Variants in MYLK4 observed in about 807,000 individuals in gnomAD.
MYLK4 encodes myosin light chain kinase family member 4.
A neutral mutation model predicts 48.1 loss-of-function variants in MYLK4; 46 were observed. That is an observed-to-expected ratio of 0.96 (90% CI 0.75 to 1.22). MYLK4 has a LOEUF of 1.22. Ranked by LOEUF, MYLK4 falls within the 50% of genes most tolerant of loss-of-function variation. The pLI is 0.00. For missense variants in MYLK4, 451 were observed against 486.1 expected, an observed-to-expected ratio of 0.93 and a Z score of 0.68; for synonymous variants, 170 against 180.8, an observed-to-expected ratio of 0.94 and a Z score of 0.48.
chr6:2,671,435 T>C, intron 11 of MYLK4, 87 bp from the exon 12 acceptor site: 1 of 1,262,414 alleles, frequency 7.9e-7, no homozygotes, highest in Non-Finnish European at 1.1e-6. Flanking sequence ...GACAATCACT[T>C]GCTACTGAGG....
At chr6:2,667,973 C>G (rs1391871178) in intron 12 of MYLK4, 74 bp from the exon 13 acceptor site, 3 of 152,280 alleles carry the variant, frequency 2.0e-5, no homozygotes, top group Non-Finnish European at 4.4e-5. Flanking sequence ...GGTTGTGCCC[C>G]TTAGGAAAAC....
chr6:2,704,340 C>T (rs1373836878), intron 2 of MYLK4, among the ~76,000 whole-genome samples: 1 of 152,202 alleles, frequency 6.6e-6, no homozygotes, highest in African/African-American at 2.4e-5. Flanking sequence ...CACGTCCATG[C>T]AGCGCAATCT....
At chr6:2,744,516 T>C (rs1022200308) in intron 2 of MYLK4, among the ~76,000 whole-genome samples, 4 of 152,326 alleles carry the variant, frequency 2.6e-5, no homozygotes, top group Non-Finnish European at 4.4e-5. Flanking sequence ...ATCTAAGTTA[T>C]AGTCATTACG....
chr6:2,716,212 A>AT, intron 2 of MYLK4, among the ~76,000 whole-genome samples: 1 of 152,306 alleles, frequency 6.6e-6, no homozygotes, highest in African/African-American at 2.4e-5. Context: ...CAGGACAACT[A>AT]TTTTTATGGA....
At chr6:2,706,300 G>C (rs1420710238) in intron 2 of MYLK4, among the ~76,000 whole-genome samples, 1 of 151,822 alleles carries the variant, frequency 6.6e-6, no homozygotes, top group Non-Finnish European at 1.5e-5. Flanking sequence ...TTTATGTTTT[G>C]GTATCAGGTC....
intron 2 of MYLK4, among the ~76,000 whole-genome samples, chr6:2,711,152 C>G (rs1265746666): frequency 6.6e-6 from 1 of 152,192 alleles, no homozygotes; most frequent in Admixed American, 6.5e-5. Flanking sequence ...AACTGCTGCT[C>G]AGGTTCATAT....
chr6:2,716,680 C>G (rs1414583673), intron 2 of MYLK4, among the ~76,000 whole-genome samples: 2 of 152,168 alleles, frequency 1.3e-5, no homozygotes, highest in Non-Finnish European at 2.9e-5. Context: ...CATGTGTGTA[C>G]TGTAATTGGT....
At chr6:2,717,054 A>G (rs1237331554) in intron 2 of MYLK4, among the ~76,000 whole-genome samples, 1 of 152,166 alleles carries the variant, frequency 6.6e-6, no homozygotes, top group Non-Finnish European at 1.5e-5. Context: ...GGGAAAGGGC[A>G]TTCCAAGAGA....
intron 2 of MYLK4, among the ~76,000 whole-genome samples, chr6:2,724,295 T>C (rs1259467109): frequency 1.3e-5 from 2 of 152,178 alleles, no homozygotes; most frequent in African/African-American, 2.4e-5. Flanking sequence ...CAAAAACCCA[T>C]GTCTCCCAGT....
At chr6:2,736,413 C>T (rs991977890) in intron 2 of MYLK4, among the ~76,000 whole-genome samples, 3 of 152,224 alleles carry the variant, frequency 2.0e-5, no homozygotes, top group African/African-American at 7.2e-5. Flanking sequence ...TGCCACCACA[C>T]CCAGCTAATT....
chr6:2,726,059 G>C (rs1763261445), intron 2 of MYLK4, among the ~76,000 whole-genome samples: 1 of 152,210 alleles, frequency 6.6e-6, no homozygotes, highest in Non-Finnish European at 1.5e-5. Context: ...GGAGTAAGCA[G>C]TGGCCAACAG....
At chr6:2,762,850 C>CT in the MYLK4 span, among the ~76,000 whole-genome samples, 2 of 152,206 alleles carry the variant, frequency 1.3e-5, no homozygotes, top group Admixed American at 1.3e-4. Flanking sequence ...TTAGCCGTTC[C>CT]TGCCAGTGGG....
intron 12 of MYLK4, among the ~76,000 whole-genome samples, chr6:2,669,810 G>C (rs1297849619): frequency 1.3e-5 from 2 of 152,190 alleles, no homozygotes; most frequent in Non-Finnish European, 2.9e-5. Flanking sequence ...TAACAAAGAA[G>C]AATGGTCTTT....
At chr6:2,671,928 G>A (rs1760911002) in intron 11 of MYLK4, among the ~76,000 whole-genome samples, 1 of 152,226 alleles carries the variant, frequency 6.6e-6, no homozygotes, top group Admixed American at 6.5e-5. Context: ...GGGGTGTCCT[G>A]GAGCAGGCCC....
At chr6:2,768,944 G>A in the MYLK4 span, 1 of 1,496,406 alleles carries the variant, frequency 6.7e-7, no homozygotes, top group East Asian at 2.3e-5. Context: ...AAGTGTGTGA[G>A]ATCACTATAC....
chr6:2,711,515 T>C (rs552319866), intron 2 of MYLK4, among the ~76,000 whole-genome samples: 15 of 152,308 alleles, frequency 9.8e-5, no homozygotes, highest in African/African-American at 3.6e-4. Context: ...TCAATAAAGA[T>C]AAAATGAAAT....
At chr6:2,745,977 G>T (rs1264703373) in intron 2 of MYLK4, among the ~76,000 whole-genome samples, 1 of 151,026 alleles carries the variant, frequency 6.6e-6, no homozygotes, top group Admixed American at 6.6e-5. Flanking sequence ...ACAAGGCCGG[G>T]CACGGTGGCT....
chr6:2,720,255 T>A (rs569666368), intron 2 of MYLK4, among the ~76,000 whole-genome samples: 56 of 152,054 alleles, frequency 3.7e-4, no homozygotes, highest in African/African-American at 1.3e-3. Flanking sequence ...ATACAAAAAA[T>A]TAGCCGGGCG....
intron 2 of MYLK4, among the ~76,000 whole-genome samples, chr6:2,737,755 T>C (rs1763732106): frequency 6.6e-6 from 1 of 151,898 alleles, no homozygotes; most frequent in Admixed American, 6.6e-5. Context: ...AAGAAGAAAA[T>C]GTCCTTCAGG....
Sources: gnomAD v4.1 joint callset for allele counts (sites outside exome capture counted in the v4.1 genomes callset) on GRCh38, gnomAD v4.1.1 for gene constraint, MANE v1.5 for transcripts, NCBI Gene and HGNC (gene_info 2026-07-23, HGNC 2026-07-21) for gene names.